ST3GAL3: variants seen among roughly 807,000 people sequenced by gnomAD.
ST3GAL3 encodes the protein CMP-N-acetylneuraminate-beta-1,4-galactoside alpha-2,3-sialyltransferase.
A neutral mutation model predicts 50.1 loss-of-function variants in ST3GAL3; 21 were observed. The observed-to-expected ratio is 0.42, with a 90% CI of 0.30 to 0.60. ST3GAL3 has a LOEUF of 0.60. Among genes scored for constraint, ST3GAL3 ranks in the 20% least tolerant of loss-of-function variants. The pLI, the probability that ST3GAL3 is intolerant of heterozygous loss-of-function variation, is 0.19. For missense variants in ST3GAL3, 353 were observed against 489.4 expected (o/e 0.72, Z 2.63); for synonymous variants, 183 against 190.0 (o/e 0.96, Z 0.30).
At chr1:43,860,777 A>G (rs2069716759) in intron 5 of ST3GAL3, among the ~76,000 whole-genome samples, 1 of 152,170 alleles carries the variant, frequency 6.6e-6, no homozygotes. Context: ...GATGTAGGCT[A>G]TGTGGGTTAC....
At chr1:43,754,007 C>CGTA (rs1687141455) in intron 2 of ST3GAL3, among the ~76,000 whole-genome samples, 1 of 152,132 alleles carries the variant, frequency 6.6e-6, no homozygotes, top group Non-Finnish European at 1.5e-5. Context: ...GAAATCTGTA[C>CGTA]GTATATGCAC....
intron 5 of ST3GAL3, chr1:43,840,634 T>A (rs1191479319): frequency 6.6e-6 from 1 of 152,158 alleles, no homozygotes; most frequent in African/African-American, 2.4e-5. Context: ...AACTTGCTGG[T>A]TTTTGTGGCT....
chr1:43,815,150 C>T, intron 4 of ST3GAL3: 2 of 615,498 alleles, frequency 3.2e-6, no homozygotes, highest in Non-Finnish European at 5.8e-6. Flanking sequence ...TTCGATTTGG[C>T]TGGCACAGGC....
At chr1:43,918,409 C>T (rs536510266) in intron 9 of ST3GAL3, among the ~76,000 whole-genome samples, 13 of 152,276 alleles carry the variant, frequency 8.5e-5, no homozygotes, top group South Asian at 2.1e-4. Flanking sequence ...TGAGCCACCA[C>T]GCCCAGCCTA....
chr1:43,853,708 G>T, intron 5 of ST3GAL3, among the ~76,000 whole-genome samples: 1 of 152,194 alleles, frequency 6.6e-6, no homozygotes, highest in East Asian at 1.9e-4. Context: ...GAAGGCTGGG[G>T]TGTGTGGTGT....
At chr1:43,833,278 G>A (rs2154193537) in intron 4 of ST3GAL3, among the ~76,000 whole-genome samples, 1 of 152,230 alleles carries the variant, frequency 6.6e-6, no homozygotes, top group Admixed American at 6.5e-5. Context: ...TTTCAGTCCA[G>A]CATTTTATTG....
intron 5 of ST3GAL3, among the ~76,000 whole-genome samples, chr1:43,890,097 T>A (rs1025093558): frequency 1.3e-5 from 2 of 152,190 alleles, no homozygotes; most frequent in African/African-American, 4.8e-5. Flanking sequence ...GCCTGGGCAA[T>A]AGAGCAAGAG....
At chr1:43,779,225 A>G (rs1698533599) in intron 2 of ST3GAL3, among the ~76,000 whole-genome samples, 2 of 152,174 alleles carry the variant, frequency 1.3e-5, no homozygotes, top group Non-Finnish European at 1.5e-5. Flanking sequence ...TACAGGTGTG[A>G]GCCACTGCGC....
intron 1 of ST3GAL3, among the ~76,000 whole-genome samples, chr1:43,713,861 A>G (rs902795418): frequency 2.0e-5 from 3 of 152,038 alleles, no homozygotes; most frequent in Non-Finnish European, 4.4e-5. Context: ...TTTTGCATTT[A>G]TTTTAGGTCT....
chr1:43,713,691 C>T (rs567388271), intron 1 of ST3GAL3, among the ~76,000 whole-genome samples: 6 of 152,058 alleles, frequency 3.9e-5, no homozygotes, highest in East Asian at 1.9e-4. Context: ...CGCACCACCA[C>T]GCCCAGCTAA....
intron 1 of ST3GAL3, among the ~76,000 whole-genome samples, chr1:43,734,990 A>G (rs534091532): frequency 5.9e-5 from 9 of 152,130 alleles, no homozygotes; most frequent in Middle Eastern, 6.8e-3. Context: ...GGGTGGGTGA[A>G]TTCCAGACAG....
chr1:43,720,533 T>C (rs1669897981), intron 1 of ST3GAL3: 1 of 152,196 alleles, frequency 6.6e-6, no homozygotes, highest in Non-Finnish European at 1.5e-5. Flanking sequence ...CTCCTTGCTG[T>C]ATCATCTCAT....
At chr1:43,760,088 G>C (rs1366813608) in intron 2 of ST3GAL3, among the ~76,000 whole-genome samples, 2 of 152,140 alleles carry the variant, frequency 1.3e-5, no homozygotes, top group Non-Finnish European at 1.5e-5. Context: ...TGCTCTTTTG[G>C]GGGTACCATT....
In ST3GAL3 at chr1:43,801,994, T is replaced by C. The variant is rs529423968; in HGVS notation, c.166+9845T>C. Among the ~76,000 whole-genome samples, 52 of 59,004 alleles carry C rather than the reference T, an allele frequency of 8.8e-4. No homozygotes were observed. In the South Asian group the frequency reaches 0.021, roughly 23 times the overall value. The allele number at this position is 59,004 out of a possible 152,430, so 38.7% of individuals were successfully genotyped here. A position where few individuals can be genotyped will look rare whatever the true frequency, so the allele number is the denominator to read the frequency against. Reference sequence around the variant, plus strand: ...CAGCCTGGGTGACAGAGTGAGACCCTGTGTCAAACAAACAAACAAACAAAC... The same window carrying C: ...CAGCCTGGGTGACAGAGTGAGACCCCGTGTCAAACAAACAAACAAACAAAC... On this transcript the variant is annotated intron_variant, in intron 3 of 11. Transcript: ENST00000347631.
intron 5 of ST3GAL3, among the ~76,000 whole-genome samples, chr1:43,852,736 G>A (rs1200729598): frequency 6.6e-6 from 1 of 152,164 alleles, no homozygotes; most frequent in Non-Finnish European, 1.5e-5. Context: ...ATGAAGATTT[G>A]GAGACTGAAA....
At chr1:43,707,851 C>CG (rs1391131368) in intron 1 of ST3GAL3, 158 bp downstream of exon 1, 1 of 152,212 alleles carries the variant, frequency 6.6e-6, no homozygotes, top group Non-Finnish European at 1.5e-5. Context: ...GGGCACGGCC[C>CG]AGTCGTCCTT....
At chr1:43,891,722 C>A (rs956814352) in intron 5 of ST3GAL3, among the ~76,000 whole-genome samples, 2 of 152,134 alleles carry the variant, frequency 1.3e-5, no homozygotes, top group African/African-American at 4.8e-5. Context: ...GGAATCAGCT[C>A]ATTATTCTGC....
At chr1:43,929,887 C>G in intron 11 of ST3GAL3, 1 of 582,576 alleles carries the variant, frequency 1.7e-6, no homozygotes. Context: ...AACGGTTTTC[C>G]TGGGACGAGG....
intron 5 of ST3GAL3, among the ~76,000 whole-genome samples, chr1:43,865,553 A>G (rs572144613): frequency 1.3e-5 from 2 of 152,226 alleles, no homozygotes; most frequent in African/African-American, 4.8e-5. Flanking sequence ...AAAGTAATAC[A>G]TAATCCTTAC....
Sources: gnomAD v4.1 joint callset for allele counts (sites outside exome capture counted in the v4.1 genomes callset) on GRCh38, gnomAD v4.1.1 for gene constraint, MANE v1.5 for transcripts, NCBI Gene and HGNC (gene_info 2026-07-23, HGNC 2026-07-21) for gene names.